The following ARHGEF17 variants were observed in gnomAD, a reference collection of about 807,000 sequenced individuals.
ARHGEF17 encodes the protein Rho guanine nucleotide exchange factor 17.
A neutral mutation model predicts 174.0 loss-of-function variants in ARHGEF17; 80 were observed. The ratio of observed to expected loss-of-function variants is 0.46; its 90% CI spans 0.38 to 0.55. The LOEUF (loss-of-function observed/expected upper bound fraction) is 0.55. Among genes scored for constraint, ARHGEF17 ranks in the 20% least tolerant of loss-of-function variants. ARHGEF17 has a pLI of 0.00. For synonymous variants in ARHGEF17, 1,311 were observed against 1,189.1 expected, an observed-to-expected ratio of 1.10 and a Z score of -2.11; for missense variants, 2,886 against 2,839.7, an observed-to-expected ratio of 1.02 and a Z score of -0.37.
chr11:73,337,162 G>C lies in ARHGEF17; in HGVS notation c.3193-9721G>C, dbSNP rs927397501. ...ACATGTGGGCCAGGCGCAGTGGCTCGCGCCTATAATCCCAGCACTTTGGGA... is the reference window on the plus strand; with the variant it reads ...ACATGTGGGCCAGGCGCAGTGGCTCCCGCCTATAATCCCAGCACTTTGGGA... On this transcript the variant is annotated intron_variant, in intron 1 of 20. Transcript: ENST00000263674. Among the ~76,000 whole-genome samples, 390 of 152,272 alleles carry C rather than the reference G, an allele frequency of 2.6e-3. 2 individuals are homozygous for C. Among genetic ancestry groups the C allele is most frequent in the Non-Finnish European group, 4.2e-3 (285 of 67,994 alleles).
At position 73,319,786 on chromosome 11, in the gene ARHGEF17, G is replaced by A. The variant is rs185276110; in HGVS notation, c.3192+7956G>A. Reference sequence around the variant, plus strand: ...CCTCCTTGCCAGGAGCTTTCACCAAGGATCCTAGCCTCCTGAGGTGGGTGA... The same window carrying A: ...CCTCCTTGCCAGGAGCTTTCACCAAAGATCCTAGCCTCCTGAGGTGGGTGA... On this transcript the variant is annotated intron_variant, in intron 1 of 20. Coordinates refer to ENST00000263674, the MANE Select transcript of ARHGEF17 (RefSeq NM_014786.4). Among the ~76,000 whole-genome samples, 526 of 152,344 alleles carry A rather than the reference G, an allele frequency of 3.5e-3. 1 individual carries two copies. Among genetic ancestry groups the A allele is most frequent in the Middle Eastern group, 6.8e-3 (2 of 294 alleles).
Position 73,310,647 on chromosome 11 carries a change from C to T in ARHGEF17, c.2009C>T (p.Pro670Leu), listed in dbSNP as rs779975857. Reference sequence around the variant, plus strand: ...CTGGGTACCACAGGGATGTGGCGACCTCTTTCCTCATCCTCGGCCCAGACG... The same window carrying T: ...CTGGGTACCACAGGGATGTGGCGACTTCTTTCCTCATCCTCGGCCCAGACG... Reference protein sequence around the residue: ...CGLGTTGMWRPLSSSSAQTNH... With the variant: ...CGLGTTGMWRLLSSSSAQTNH... The change falls in exon 1 of 21, where the codon CCT (proline) becomes CTT (leucine). Residue 670 changes from proline (P) to leucine (L), a missense_variant. This residue lies in a region of ARHGEF17 where 1,728 missense variants were observed against 1,461.2 expected (regional missense o/e 1.18). Transcript: ENST00000263674. The T allele has an allele frequency of 5.0e-5, 80 of 1,614,082 alleles. No homozygotes were observed. In the South Asian group the frequency reaches 5.3e-4, roughly 11 times the overall value.
In ARHGEF17 at chr11:73,367,667, A is replaced by G. The variant is rs1865863405; in HGVS notation, c.6079A>G (p.Ile2027Val). The G allele has an allele frequency of 6.2e-7, 1 of 1,614,074 alleles. No individual in the cohort carries two copies. Among genetic ancestry groups the G allele is most frequent in the Non-Finnish European group, 8.5e-7 (1 of 1,179,986 alleles). Residue 2027 changes from isoleucine to valine, a missense_variant, in exon 21 of 21, where the codon ATC becomes GTC. This residue lies in a region of ARHGEF17 where 329 missense variants were observed against 435.2 expected (regional missense o/e 0.76). Coordinates refer to ENST00000263674, the MANE Select transcript of ARHGEF17 (RefSeq NM_014786.4). The part of the protein sequence containing the change: ...PAPARPKMLV[I>V]SGGDGYEDFR... ...CCCTGCCAGGCCTAAAATGCTGGTT[A>G]TCAGTGGAGGTGATGGCTATGAGGA... is the stretch of plus-strand genomic sequence containing the variant.
At chr11:73,328,534 T>C (rs1210382175) in intron 1 of ARHGEF17, among the ~76,000 whole-genome samples, 1 of 152,074 alleles carries the variant, frequency 6.6e-6, no homozygotes, top group African/African-American at 2.4e-5. Context: ...AAGGCAGGGG[T>C]TGAGCGTTTG....
intron 1 of ARHGEF17, among the ~76,000 whole-genome samples, chr11:73,333,504 G>A (rs1006455044): frequency 4.4e-4 from 67 of 152,276 alleles, no homozygotes; most frequent in African/African-American, 1.5e-3. Flanking sequence ...TTCTTCCAGA[G>A]GCTAGGGTGG....
intron 1 of ARHGEF17, among the ~76,000 whole-genome samples, chr11:73,342,472 G>A (rs530795037): frequency 6.6e-6 from 1 of 152,288 alleles, no homozygotes; most frequent in South Asian, 2.1e-4. Context: ...AGAAGCACTT[G>A]TCTGGGCGCA....
intron 1 of ARHGEF17, among the ~76,000 whole-genome samples, chr11:73,312,172 G>A (rs1303064855): frequency 6.6e-6 from 1 of 152,214 alleles, no homozygotes; most frequent in Non-Finnish European, 1.5e-5. Context: ...TTGTTGGAGG[G>A]ATGAGTGTGA....
chr11:73,317,933 C>T (rs2135788681), intron 1 of ARHGEF17, among the ~76,000 whole-genome samples: 1 of 152,300 alleles, frequency 6.6e-6, no homozygotes, highest in East Asian at 1.9e-4. Flanking sequence ...AGCCTGGTGT[C>T]TGTACTAGGA....
At position 73,311,365 on chromosome 11, in the gene ARHGEF17, G is replaced by A. The variant is rs779218653; in HGVS notation, c.2727G>A (p.Leu909=). 2 of 1,613,290 alleles carry A rather than the reference G, an allele frequency of 1.2e-6. No individual in the cohort carries two copies. Among genetic ancestry groups the A allele is most frequent in the Non-Finnish European group, 1.7e-6 (2 of 1,180,022 alleles). ...AHRNFHLDPK[L]ADILSPRLIR... ...GAAACTTTCACCTTGACCCCAAGCT[G>A]GCTGACATTCTGTCCCCGAGGCTAA... Residue 909 remains leucine, a synonymous_variant, in exon 1 of 21, where the codon CTG becomes CTA. Coordinates refer to ENST00000263674, the MANE Select transcript of ARHGEF17 (RefSeq NM_014786.4).
At chr11:73,322,208 G>T (rs1865027795) in intron 1 of ARHGEF17, among the ~76,000 whole-genome samples, 1 of 152,220 alleles carries the variant, frequency 6.6e-6, no homozygotes, top group Admixed American at 6.5e-5. Context: ...AATCACTGAG[G>T]TCTCACTCTG....
chr11:73,308,791 G>C lies in ARHGEF17; in HGVS notation c.153G>C (p.Arg51=), dbSNP rs1160766170. ...CGTGCCGGCCGACCACGGCTGCCCG[G>C]GGCCAGCCCTCTCGGCGCGTGTCCA... ...RASCRPTTAA[R]GQPSRRVSKL... is the part of the protein sequence containing the mutation. The change falls in exon 1 of 21, where the codon CGG becomes CGC. Residue 51 remains arginine, a synonymous_variant. Coordinates refer to ENST00000263674, the MANE Select transcript of ARHGEF17 (RefSeq NM_014786.4). The C allele has an allele frequency of 1.7e-5, 23 of 1,380,046 alleles. No homozygotes were observed. The highest frequency in any genetic ancestry group is 2.1e-5 in the Non-Finnish European group (23 of 1,074,216). The allele number at this position is 1,380,046 out of a possible 1,614,324, so 85.5% of individuals were successfully genotyped here. A position where few individuals can be genotyped will look rare whatever the true frequency, so the allele number is the denominator to read the frequency against.
intron 9 of ARHGEF17, among the ~76,000 whole-genome samples, chr11:73,358,297 G>A (rs543757873): frequency 6.6e-6 from 1 of 152,312 alleles, no homozygotes; most frequent in East Asian, 1.9e-4. Flanking sequence ...CCAAGATGAG[G>A]GTGCCAGCAG....
At chr11:73,325,643 G>A (rs936982356) in intron 1 of ARHGEF17, among the ~76,000 whole-genome samples, 7 of 152,204 alleles carry the variant, frequency 4.6e-5, no homozygotes, top group South Asian at 2.1e-4. Context: ...AGTGAGGACC[G>A]AGCCTGAGAC....
At position 73,311,223 on chromosome 11, in the gene ARHGEF17, G is replaced by C. The variant is rs1451988743; in HGVS notation, c.2585G>C (p.Ser862Thr). 6 of 1,606,396 alleles carry C rather than the reference G, an allele frequency of 3.7e-6. No individual in the cohort carries two copies. In the South Asian group the frequency reaches 6.6e-5, roughly 18 times the overall value. Reference sequence around the variant, plus strand: ...GAGCCCATGCTGCCTCCATCCAGCAGCGAGCCCATCCTTGTAGAGCAGCGG... The same window carrying C: ...GAGCCCATGCTGCCTCCATCCAGCACCGAGCCCATCCTTGTAGAGCAGCGG... The part of the protein sequence containing the change: ...EVEPMLPPSS[S>T]EPILVEQRAE... Residue 862 changes from serine (S) to threonine (T), a missense_variant, in exon 1 of 21, where the codon AGC becomes ACC. Ser to Thr is a moderately conservative substitution (Grantham distance 58). This residue lies in a region of ARHGEF17 where 1,728 missense variants were observed against 1,461.2 expected (regional missense o/e 1.18). Coordinates refer to ENST00000263674, the MANE Select transcript of ARHGEF17 (RefSeq NM_014786.4).
chr11:73,311,008 T>C lies in ARHGEF17; in HGVS notation c.2370T>C (p.Ser790=). Residue 790 remains serine (S), a synonymous_variant, in exon 1 of 21, where the codon AGT becomes AGC. Coordinates refer to ENST00000263674, the MANE Select transcript of ARHGEF17 (RefSeq NM_014786.4). ...GTCACAGTGACTGGTCTGTGGGCAG[T>C]GAAGAGAGCAAGGGATATCAGGAGG... The part of the protein sequence containing the change: ...TSGHSDWSVG[S]EESKGYQEVI... 1 of 1,614,036 alleles carries C rather than the reference T, an allele frequency of 6.2e-7. No individual in the cohort carries two copies. The highest frequency in any genetic ancestry group is 1.3e-5 in the African/African-American group (1 of 74,972).
Position 73,365,426 on chromosome 11 carries a change from G to T in ARHGEF17, c.5587G>T (p.Val1863Leu). Reference sequence around the variant, plus strand: ...CGTGGGTCAGGATTCAAGCCGCTGCGTGGCTTGCATGGTGGACTCCAGCCT... The same window carrying T: ...CGTGGGTCAGGATTCAAGCCGCTGCTTGGCTTGCATGGTGGACTCCAGCCT... Reference protein sequence around the residue: ...FYVGQDSSRCVACMVDSSLGV... With the variant: ...FYVGQDSSRCLACMVDSSLGV... The change falls in exon 19 of 21, where the codon GTG (valine) becomes TTG (leucine). Residue 1863 changes from valine to leucine, a missense_variant. Coordinates refer to ENST00000263674, the MANE Select transcript of ARHGEF17 (RefSeq NM_014786.4). This position sits in a 1 kb window ranked among gnomAD's most constrained non-coding sequence, Gnocchi z 4.9. The T allele has an allele frequency of 6.2e-7, 1 of 1,614,010 alleles. No individual in the cohort carries two copies. The highest frequency in any genetic ancestry group is 8.5e-7 in the Non-Finnish European group (1 of 1,180,034).
chr11:73,363,374 C>G lies in ARHGEF17; in HGVS notation c.5165C>G (p.Thr1722Ser), dbSNP rs760898740. The change falls in exon 15 of 21, where the codon ACC becomes AGC. Residue 1722 changes from threonine (T) to serine (S), a missense_variant. Thr to Ser is a moderately conservative substitution (Grantham distance 58, BLOSUM62 1). This residue lies in a region of ARHGEF17 where 476 missense variants were observed against 473.1 expected (regional missense o/e 1.01). Coordinates refer to ENST00000263674, the MANE Select transcript of ARHGEF17 (RefSeq NM_014786.4). ...CGCCGCTCCAGCCACGGCTCCTTCA[C>G]CCGGGGCAGCCTTGAGGACCTGCTG... The part of the protein sequence containing the change: ...ALRRSSHGSF[T>S]RGSLEDLLSV... 1 of 1,613,154 alleles carries G rather than the reference C, an allele frequency of 6.2e-7. No homozygotes were observed. Among genetic ancestry groups the G allele is most frequent in the Admixed American group, 1.7e-5 (1 of 59,974 alleles).
At chr11:73,349,280 G>C (rs1445790076) in intron 2 of ARHGEF17, among the ~76,000 whole-genome samples, 1 of 152,166 alleles carries the variant, frequency 6.6e-6, no homozygotes. Flanking sequence ...CCTCAAGTTT[G>C]CCTGCAAAAT....
At position 73,325,587 on chromosome 11, in the gene ARHGEF17, C is replaced by A. The variant is rs530496197; in HGVS notation, c.3192+13757C>A. 1.1e-4 allele frequency among the ~76,000 whole-genome samples: 17 copies of A among 152,330 alleles called. No homozygotes were observed. The South Asian group carries it at 3.5e-3, about 32-fold the overall frequency. ...TCTCTCACTTTCTCACTTTTCAATC[C>A]CCAGCAGATTTCCATACCCACAAAG... On this transcript the variant is annotated intron_variant, in intron 1 of 20. Coordinates refer to ENST00000263674, the MANE Select transcript of ARHGEF17 (RefSeq NM_014786.4).
Sources: allele counts gnomAD v4.1 joint callset (sites outside exome capture counted in the v4.1 genomes callset), GRCh38; gene constraint gnomAD v4.1.1; regional missense constraint gnomAD v4.1.1; non-coding constraint Gnocchi (gnomAD v3.1); transcripts MANE v1.5; gene names NCBI Gene and HGNC (gene_info 2026-07-23, HGNC 2026-07-21).